Variants in NEBL observed in about 807,000 individuals in gnomAD.
NEBL encodes the protein nebulette.
NEBL carries 122 observed loss-of-function variants against 140.2 expected under a neutral mutation model. The observed-to-expected ratio is 0.87, with a 90% CI of 0.75 to 1.01. The LOEUF is 1.01. NEBL is among the 50% of genes least tolerant of loss of function. The probability of loss-of-function intolerance (pLI) is 0.00; values close to 1 mark genes in which losing one functional copy is unlikely to be tolerated. For missense variants in NEBL, 1,365 were observed against 1,231.3 expected, an observed-to-expected ratio of 1.11 and a Z score of -1.62; for synonymous variants, 436 against 398.9, an observed-to-expected ratio of 1.09 and a Z score of -1.11.
intron 13 of NEBL, among the ~76,000 whole-genome samples, chr10:20,838,229 T>A (rs968922266): frequency 1.3e-5 from 2 of 152,220 alleles, no homozygotes; most frequent in African/African-American, 4.8e-5. Context: ...TTAAGAAGAT[T>A]AGTGATTCAT....
intron 7 of NEBL, among the ~76,000 whole-genome samples, chr10:20,862,021 C>T (rs1843749540): frequency 6.6e-6 from 1 of 152,172 alleles, no homozygotes; most frequent in African/African-American, 2.4e-5. Context: ...GCCTGTTTTA[C>T]ACACGTTGAA....
chr10:21,179,506 C>G (rs1841354464), upstream of NEBL, among the ~76,000 whole-genome samples: 1 of 151,828 alleles, frequency 6.6e-6, no homozygotes, highest in African/African-American at 2.4e-5. Context: ...GCTCCATCAT[C>G]CCCTTAAGAA....
chr10:21,238,284 C>T (rs907524419), intron 3 of NEBL, among the ~76,000 whole-genome samples: 3 of 152,176 alleles, frequency 2.0e-5, no homozygotes, highest in African/African-American at 7.2e-5. Context: ...TATAGATTGA[C>T]AATTATCATG....
intron 2 of NEBL, among the ~76,000 whole-genome samples, chr10:21,151,305 T>C (rs1043586272): frequency 2.6e-5 from 4 of 152,222 alleles, no homozygotes; most frequent in Admixed American, 6.5e-5. Flanking sequence ...ACCACTCATG[T>C]GGTGAAACTT....
At chr10:21,038,371 C>A (rs1834103457) in intron 2 of NEBL, among the ~76,000 whole-genome samples, 1 of 152,138 alleles carries the variant, frequency 6.6e-6, no homozygotes, top group Admixed American at 6.5e-5. Flanking sequence ...TTACTGCCAG[C>A]CCCTGGCAGG....
chr10:21,082,760 C>CTTTTTTTT lies in NEBL; in HGVS notation c.165-62560_165-62559insAAAAAAAA, dbSNP rs1564504896. On this transcript the variant is annotated intron_variant, in intron 2 of 6. Coordinates refer to the NEBL transcript ENST00000417816. The stretch of plus-strand genomic sequence containing the variant: ...AATTATGGGATATGCAGGAGGGATG[C>CTTTTTTTT]ATTTTTTTTTTTTTTTTTTTGAGAC... Among the ~76,000 whole-genome samples, 8 of 52,840 alleles carry CTTTTTTTT rather than the reference C, an allele frequency of 1.5e-4. 1 individual carries two copies. Among genetic ancestry groups the CTTTTTTTT allele is most frequent in the African/African-American group, 3.8e-4 (7 of 18,602 alleles). 34.7% of individuals were successfully genotyped at this position (52,840 alleles called of 152,430 possible).
At chr10:20,874,750 C>CT (rs1845317057) in intron 5 of NEBL, among the ~76,000 whole-genome samples, 2 of 151,690 alleles carry the variant, frequency 1.3e-5, no homozygotes, top group South Asian at 4.2e-4. Context: ...CATTTTTTTT[C>CT]TTTTTTGAAG....
chr10:21,136,883 C>T lies in NEBL; in HGVS notation c.164+35500G>A, dbSNP rs531420846. On this transcript the variant is annotated intron_variant, in intron 2 of 6. Coordinates refer to the NEBL transcript ENST00000417816. ...TACTCGTCTCTGGATGGAGGAGTTG[C>T]TTATTGCCCCCAATGAGTCATGGAT... Among the ~76,000 whole-genome samples the T allele has an allele frequency of 2.6e-5, 4 of 152,316 alleles. No individual in the cohort carries two copies. The East Asian group carries it at 7.7e-4, about 29-fold the overall frequency.
At position 20,880,811 on chromosome 10, in the gene NEBL, T is replaced by C. The variant is rs1344682606; in HGVS notation, c.463A>G (p.Asn155Asp). ...PPEVKHAMEV[N>D]KHQSNISYRK... is the part of the protein sequence containing the mutation. Reference sequence around the variant, plus strand: ...TTCCTTACATTACTCTGGTGTTTATTGACCTCCATGGCATGTTTAACCTCA... The same window carrying C: ...TTCCTTACATTACTCTGGTGTTTATCGACCTCCATGGCATGTTTAACCTCA... The change falls in exon 5 of 28, where the codon AAT becomes GAT. Residue 155 changes from asparagine (N) to aspartate (D), a missense_variant. Asn to Asp is a conservative substitution (Grantham distance 23). Around this residue, in one of 2 missense-constraint regions of NEBL, gnomAD observed 1,323 missense variants for 1,154.8 expected, o/e 1.15. Coordinates refer to ENST00000377122, the MANE Select transcript of NEBL (RefSeq NM_006393.3). The C allele has an allele frequency of 1.9e-6, 3 of 1,612,836 alleles. No homozygotes were observed. In the African/African-American group the frequency reaches 4.0e-5, roughly 22 times the overall value.
intron 3 of NEBL, among the ~76,000 whole-genome samples, chr10:20,977,209 G>A (rs765599800): frequency 4.6e-5 from 7 of 152,148 alleles, no homozygotes; most frequent in Non-Finnish European, 7.3e-5. Flanking sequence ...AAGTCAGCAC[G>A]TCACATTCAC....
chr10:20,852,278 T>A (rs1263479414), intron 10 of NEBL, among the ~76,000 whole-genome samples: 2 of 152,186 alleles, frequency 1.3e-5, no homozygotes, highest in Non-Finnish European at 2.9e-5. Context: ...TTTAATTAAT[T>A]CCTATCTTGT....
intron 2 of NEBL, among the ~76,000 whole-genome samples, chr10:21,159,759 C>A (rs996762371): frequency 6.6e-6 from 1 of 152,156 alleles, no homozygotes; most frequent in East Asian, 1.9e-4. Flanking sequence ...CATGGATTCA[C>A]CTCCTAGACA....
In NEBL at chr10:21,173,574, C is replaced by T. The variant is rs1374868750; in HGVS notation, c.69+191G>A. 6.6e-6 allele frequency among the ~76,000 whole-genome samples: 1 copy of T among 152,174 alleles called. No homozygotes were observed. The highest frequency in any genetic ancestry group is 1.5e-5 in the Non-Finnish European group (1 of 68,028). On this transcript the variant is annotated intron_variant, in intron 1 of 6. Transcript: ENST00000417816. This position sits in a 1 kb window ranked among gnomAD's most constrained non-coding sequence, Gnocchi z 5.7. ...CGACAAAAGCCCTTCCCGGTTCCAA[C>T]ATCACAATCGCCAAGCGTGGTCTCT...
chr10:20,872,948 G>A (rs1277853326), intron 5 of NEBL, among the ~76,000 whole-genome samples: 3 of 152,210 alleles, frequency 2.0e-5, no homozygotes, highest in African/African-American at 7.2e-5. Context: ...TGTCTACGGA[G>A]TAGCCATTCT....
intron 2 of NEBL, chr10:21,029,387 C>G: frequency 1.2e-6 from 2 of 1,611,398 alleles, no homozygotes; most frequent in South Asian, 2.2e-5. Context: ...CCACGTGAAC[C>G]CAGCAATCCA....
intron 3 of NEBL, among the ~76,000 whole-genome samples, chr10:20,982,718 G>C (rs1198432972): frequency 2.6e-5 from 4 of 152,058 alleles, no homozygotes; most frequent in African/African-American, 9.6e-5. Flanking sequence ...TCTTAGTATG[G>C]CCTTCCCCCC....
Position 21,072,123 on chromosome 10 carries a change from G to GT in NEBL, c.165-51923dup, listed in dbSNP as rs970465015. Among the ~76,000 whole-genome samples, 121 of 150,502 alleles carry GT rather than the reference G, an allele frequency of 8.0e-4. No homozygotes were observed. In the East Asian group the frequency reaches 0.02, roughly 25 times the overall value. Reference sequence around the variant, plus strand: ...ATGAGCCACCGTGCCTGGCCCATTGGTTTTTTTTTCAGGAGGTTCTGAAAG... The same window carrying GT: ...ATGAGCCACCGTGCCTGGCCCATTGGTTTTTTTTTTCAGGAGGTTCTGAAAG... On this transcript the variant is annotated intron_variant, in intron 2 of 6. Coordinates refer to the NEBL transcript ENST00000417816.
intron 2 of NEBL, among the ~76,000 whole-genome samples, chr10:21,105,378 A>T (rs1837666030): frequency 6.6e-6 from 1 of 150,704 alleles, no homozygotes; most frequent in Non-Finnish European, 1.5e-5. Context: ...GATGTTTCCC[A>T]CCCTGGGTCC....
intron 3 of NEBL, among the ~76,000 whole-genome samples, chr10:21,242,671 G>A (rs1842456649): frequency 6.6e-6 from 1 of 152,152 alleles, no homozygotes; most frequent in South Asian, 2.1e-4. Context: ...ACTCACTTGG[G>A]TAAATTGAGG....
Sources: allele counts gnomAD v4.1 joint callset (sites outside exome capture counted in the v4.1 genomes callset), GRCh38; gene constraint gnomAD v4.1.1; regional missense constraint gnomAD v4.1.1; non-coding constraint Gnocchi (gnomAD v3.1); transcripts MANE v1.5; gene names NCBI Gene and HGNC (gene_info 2026-07-23, HGNC 2026-07-21).